Variants in SDK2 observed in about 807,000 individuals in gnomAD.
SDK2 encodes protein sidekick-2.
In SDK2, 105 loss-of-function variants were observed where a neutral mutation model predicts 253.9. The observed-to-expected ratio is 0.41, with a 90% CI of 0.35 to 0.49. SDK2 has a LOEUF of 0.49. Among genes scored for constraint, SDK2 ranks in the 20% least tolerant of loss-of-function variants. SDK2 has a pLI of 0.06. For synonymous variants in SDK2, 1,249 were observed against 1,234.9 expected (o/e 1.01, Z -0.24); for missense variants, 2,608 against 3,003.0 (o/e 0.87, Z 3.07).
At chr17:73,512,550 T>TAC (rs144659441) in intron 1 of SDK2, among the ~76,000 whole-genome samples, 38,312 of 148,882 alleles carry the variant, frequency 0.26, 4,959 homozygotes, top group South Asian at 0.3. Context: ...CACACACACA[T>TAC]ACACACACAC....
rs1189571551 is a variant in SDK2 at position 73,612,027 on chromosome 17, C to T, written c.64+31998G>A. Among the ~76,000 whole-genome samples the T allele has an allele frequency of 2.0e-5, 3 of 152,186 alleles. No individual in the cohort carries two copies. The highest frequency in any genetic ancestry group is 4.4e-5 in the Non-Finnish European group (3 of 68,034). On this transcript the variant is annotated intron_variant, in intron 1 of 44. Coordinates refer to ENST00000392650, the MANE Select transcript of SDK2 (RefSeq NM_001144952.2). The surrounding 1 kb of genome is among the most constrained non-coding windows in gnomAD (Gnocchi z 4.4). ...TCAGGAGGGAGCCCACATTACCCAT[C>T]AGCCGCCAGGGAAGTCTCCCCACAG...
chr17:73,586,397 C>G (rs960879086), intron 1 of SDK2, among the ~76,000 whole-genome samples: 1 of 152,188 alleles, frequency 6.6e-6, no homozygotes, highest in African/African-American at 2.4e-5. Flanking sequence ...CCCTCTCCCC[C>G]TCGCTGAGAC....
In SDK2 at chr17:73,350,213, C is replaced by CG. The variant is rs375803616; in HGVS notation, c.6038+23_6038+24insC. ...CCTGGGCACTGCTGGGCCTGGCCCC[C>CG]AACCCACGCAGAGGGCCCAGTACCT... On this transcript the variant is annotated intron_variant, in intron 43 of 44. Transcript: ENST00000392650. 13 of 1,534,614 alleles carry CG rather than the reference C, an allele frequency of 8.5e-6. No homozygotes were observed. In the African/African-American group the frequency reaches 1.2e-4, roughly 14 times the overall value.
At chr17:73,422,946 G>A (rs1244348005) in intron 14 of SDK2, among the ~76,000 whole-genome samples, 2 of 152,056 alleles carry the variant, frequency 1.3e-5, no homozygotes, top group East Asian at 1.9e-4. Context: ...ACCTGAACCC[G>A]GGAGGCAGAG....
chr17:73,388,844 CT>C (rs1287961495), intron 29 of SDK2, among the ~76,000 whole-genome samples: 33 of 120,378 alleles, frequency 2.7e-4, no homozygotes, highest in Non-Finnish European at 3.3e-4. Flanking sequence ...TTCCCCCCTC[CT>C]TTCCTTTTCT....
chr17:73,616,196 C>T lies in SDK2; in HGVS notation c.64+27829G>A, dbSNP rs1184282886. On this transcript the variant is annotated intron_variant, in intron 1 of 44. Transcript: ENST00000392650. The surrounding 1 kb of genome is among the most constrained non-coding windows in gnomAD (Gnocchi z 5.2). ...AGAAAGGCAAGCCACTTGCATGCTA[C>T]CTTGCAAACTGACCTCAGGGCACTG... Among the ~76,000 whole-genome samples, 1 of 152,162 alleles carries T rather than the reference C, an allele frequency of 6.6e-6. No individual in the cohort carries two copies. The highest frequency in any genetic ancestry group is 2.4e-5 in the African/African-American group (1 of 41,428).
chr17:73,571,750 C>T (rs764089679), intron 1 of SDK2, among the ~76,000 whole-genome samples: 35 of 152,214 alleles, frequency 2.3e-4, no homozygotes, highest in Non-Finnish European at 4.3e-4. Flanking sequence ...GTGAGCCCGG[C>T]TGGGGCCCGG....
intron 1 of SDK2, among the ~76,000 whole-genome samples, chr17:73,595,069 T>C (rs2045736335): frequency 6.6e-6 from 1 of 152,170 alleles, no homozygotes; most frequent in Non-Finnish European, 1.5e-5. Context: ...CTGTTTCTGT[T>C]GTTTCTACCT....
At chr17:73,378,719 C>T (rs1350591035) in intron 36 of SDK2, among the ~76,000 whole-genome samples, 1 of 152,176 alleles carries the variant, frequency 6.6e-6, no homozygotes. Context: ...CGCGCCCAGC[C>T]TAGAAATGAT....
intron 1 of SDK2, among the ~76,000 whole-genome samples, chr17:73,600,442 C>T (rs1282561397): frequency 1.3e-5 from 2 of 152,032 alleles, no homozygotes; most frequent in Non-Finnish European, 2.9e-5. Context: ...CTGGGGGAGG[C>T]GGGGTGTGGA....
chr17:73,348,482 C>A lies in SDK2; in HGVS notation c.6165+117G>T, dbSNP rs572394907. 5.5e-6 allele frequency: 7 copies of A among 1,267,406 alleles called. No individual in the cohort carries two copies. In the African/African-American group the frequency reaches 8.9e-5, roughly 16 times the overall value. 78.5% of individuals were successfully genotyped at this position (1,267,406 alleles called of 1,614,324 possible). A position where few individuals can be genotyped will look rare whatever the true frequency, so the allele number is the denominator to read the frequency against. On this transcript the variant is annotated intron_variant, in intron 44 of 44. Coordinates refer to ENST00000392650, the MANE Select transcript of SDK2 (RefSeq NM_001144952.2). ...ATGACTTCAGGGTGGTTTCTTGGGC[C>A]CCTTAATATTTGCTGCCCCTTGAAG...
intron 4 of SDK2, among the ~76,000 whole-genome samples, chr17:73,454,571 A>G (rs1432010409): frequency 2.0e-5 from 3 of 152,330 alleles, no homozygotes; most frequent in African/African-American, 7.2e-5. Context: ...GGAGAACGAG[A>G]TTGAGAGCAT....
At position 73,431,405 on chromosome 17, in the gene SDK2, G is replaced by A. The variant is rs1349173767; in HGVS notation, c.1480+97C>T. 5.0e-6 allele frequency: 6 copies of A among 1,207,942 alleles called. No individual in the cohort carries two copies. Among genetic ancestry groups the A allele is most frequent in the African/African-American group, 4.6e-5 (3 of 64,778 alleles). The allele number at this position is 1,207,942 out of a possible 1,614,324, so 74.8% of individuals were successfully genotyped here. A position where few individuals can be genotyped will look rare whatever the true frequency, so the allele number is the denominator to read the frequency against. ...CTGGGGATGGAGACACTGGTGGTAT[G>A]AGCCTGTGCCCCGTAGCTGTCCTGA... On this transcript the variant is annotated intron_variant, in intron 11 of 44. Transcript: ENST00000392650. This position sits in a 1 kb window ranked among gnomAD's most constrained non-coding sequence, Gnocchi z 5.6.
At chr17:73,606,397 C>G (rs1193089414) in intron 1 of SDK2, among the ~76,000 whole-genome samples, 1 of 152,022 alleles carries the variant, frequency 6.6e-6, no homozygotes, top group Non-Finnish European at 1.5e-5. Context: ...AGGGCAGGTG[C>G]TTATGGGTGC....
At chr17:73,414,497 T>C (rs1288276918) in intron 18 of SDK2, 147 bp downstream of exon 18, 4 of 640,418 alleles carry the variant, frequency 6.2e-6, no homozygotes, top group Non-Finnish European at 1.1e-5. Flanking sequence ...CTGGAACTCT[T>C]TTCCTCTAAT....
intron 3 of SDK2, among the ~76,000 whole-genome samples, chr17:73,456,459 C>A (rs2063526227): frequency 6.6e-6 from 1 of 152,184 alleles, no homozygotes. Context: ...AGCTCCTCCT[C>A]CCCTGCCCTA....
At chr17:73,544,850 T>C (rs112050638) in intron 1 of SDK2, among the ~76,000 whole-genome samples, 1 of 152,300 alleles carries the variant, frequency 6.6e-6, no homozygotes, top group African/African-American at 2.4e-5. Flanking sequence ...CTGCTGTTCA[T>C]CCAGGCTGCT....
chr17:73,506,728 G>A (rs1373785249), intron 2 of SDK2, among the ~76,000 whole-genome samples: 3 of 152,242 alleles, frequency 2.0e-5, no homozygotes, highest in Non-Finnish European at 4.4e-5. Context: ...AAAGGAGGGA[G>A]TGCCTGCCCC....
chr17:73,598,156 A>C (rs1253712534), intron 1 of SDK2, among the ~76,000 whole-genome samples: 2 of 152,078 alleles, frequency 1.3e-5, no homozygotes, highest in Non-Finnish European at 2.9e-5. Flanking sequence ...ACCCCAGTTA[A>C]CAGCCACCCT....
Sources: allele counts gnomAD v4.1 joint callset (sites outside exome capture counted in the v4.1 genomes callset), GRCh38; gene constraint gnomAD v4.1.1; non-coding constraint Gnocchi (gnomAD v3.1); transcripts MANE v1.5; gene names NCBI Gene and HGNC (gene_info 2026-07-23, HGNC 2026-07-21).